The following PCDH7 variants were observed in gnomAD, a reference collection of about 807,000 sequenced individuals.
The protein encoded by PCDH7 is protocadherin-7.
A neutral mutation model predicts 58.9 loss-of-function variants in PCDH7; 17 were observed. The observed-to-expected ratio is 0.29, with a 90% confidence interval of 0.20 to 0.43. The LOEUF is 0.43. Ranked by LOEUF, PCDH7 falls within the 20% of genes least tolerant of loss-of-function variation. The probability of loss-of-function intolerance (pLI) is 1.00; values close to 1 mark genes in which losing one functional copy is unlikely to be tolerated. For synonymous variants in PCDH7, 664 were observed against 616.4 expected (o/e 1.08, Z -1.14); for missense variants, 1,274 against 1,441.0 (o/e 0.88, Z 1.88).
intron 3 of PCDH7, among the ~76,000 whole-genome samples, chr4:31,018,801 A>G (rs1753807059): frequency 6.6e-6 from 1 of 152,208 alleles, no homozygotes; most frequent in Admixed American, 6.5e-5. Flanking sequence ...GCAACTTCAT[A>G]AAAATACCAG....
At chr4:30,726,257 T>C (rs559606179) in intron 1 of PCDH7, among the ~76,000 whole-genome samples, 1 of 152,126 alleles carries the variant, frequency 6.6e-6, no homozygotes, top group East Asian at 1.9e-4. Flanking sequence ...CTCTAGAAAA[T>C]AGTAACACCT....
chr4:30,833,522 C>T (rs1054488834), intron 1 of PCDH7, among the ~76,000 whole-genome samples: 2 of 152,126 alleles, frequency 1.3e-5, no homozygotes, highest in Non-Finnish European at 2.9e-5. Context: ...ATTTTAAAAT[C>T]ATCTGGTTAG....
Position 30,792,405 on chromosome 4 carries a change from G to A in PCDH7, c.70+67809G>A, listed in dbSNP as rs556223875. 1.9e-3 allele frequency among the ~76,000 whole-genome samples: 290 copies of A among 151,844 alleles called. 1 individual carries two copies. Among genetic ancestry groups the A allele is most frequent in the African/African-American group, 6.7e-3 (276 of 41,410 alleles). The stretch of plus-strand genomic sequence containing the variant: ...CAACTGAACATCAGAAAAAAACAAA[G>A]CCAATTTCAGATTTGCATTAGATGA... On this transcript the variant is annotated intron_variant, in intron 1 of 3. Coordinates refer to the PCDH7 transcript ENST00000509759.
chr4:30,997,851 G>A (rs971706795), intron 3 of PCDH7, among the ~76,000 whole-genome samples: 1 of 152,002 alleles, frequency 6.6e-6, no homozygotes, highest in East Asian at 1.9e-4. Flanking sequence ...ATTGAGGGAT[G>A]GCAGAAGGAA....
chr4:30,884,255 T>C (rs970468919), intron 1 of PCDH7, among the ~76,000 whole-genome samples: 6 of 152,092 alleles, frequency 3.9e-5, no homozygotes, highest in Non-Finnish European at 7.4e-5. Context: ...GGCACTGATA[T>C]TTTATAAACA....
chr4:30,769,676 G>GT (rs1721167244), intron 1 of PCDH7, among the ~76,000 whole-genome samples: 1 of 152,098 alleles, frequency 6.6e-6, no homozygotes, highest in African/African-American at 2.4e-5. Context: ...TGTGAGTTTT[G>GT]TTTGCTTTAT....
intron 1 of PCDH7, among the ~76,000 whole-genome samples, chr4:30,764,636 T>C (rs1309952383): frequency 6.6e-6 from 1 of 152,320 alleles, no homozygotes; most frequent in Non-Finnish European, 1.5e-5. Flanking sequence ...ACTAGATCTT[T>C]ATTGGTATAT....
intron 1 of PCDH7, among the ~76,000 whole-genome samples, chr4:30,813,802 C>G (rs750870687): frequency 6.6e-6 from 1 of 152,112 alleles, no homozygotes; most frequent in Non-Finnish European, 1.5e-5. Flanking sequence ...CCACCACACC[C>G]GGCAAATTTT....
At chr4:31,104,199 TTAG>T (rs774367082) in intron 3 of PCDH7, among the ~76,000 whole-genome samples, 6 of 152,314 alleles carry the variant, frequency 3.9e-5, no homozygotes, top group Middle Eastern at 3.4e-3. Context: ...GTGCAAGCAC[TTAG>T]TTCTGTTTAT....
At chr4:31,089,258 TAC>T (rs1240595410) in intron 3 of PCDH7, among the ~76,000 whole-genome samples, 1 of 152,058 alleles carries the variant, frequency 6.6e-6, no homozygotes, top group African/African-American at 2.4e-5. Flanking sequence ...ATAAAAATGT[TAC>T]AGTTTACAAT....
chr4:31,066,461 T>C (rs936275766), intron 3 of PCDH7, among the ~76,000 whole-genome samples: 1 of 152,002 alleles, frequency 6.6e-6, no homozygotes, highest in Non-Finnish European at 1.5e-5. Flanking sequence ...AATTTTTCTC[T>C]TCACACTTAA....
intron 3 of PCDH7, among the ~76,000 whole-genome samples, chr4:31,003,566 C>G (rs550795003): frequency 6.6e-4 from 101 of 152,176 alleles, no homozygotes; most frequent in African/African-American, 2.3e-3. Flanking sequence ...CAAATCGGAA[C>G]TGCTCCAAAG....
chr4:30,806,410 T>C lies in PCDH7; in HGVS notation c.70+81814T>C, dbSNP rs140950956. 6.3e-3 allele frequency among the ~76,000 whole-genome samples: 962 copies of C among 152,190 alleles called. 12 individuals carry two copies. The highest frequency in any genetic ancestry group is 0.022 in the African/African-American group (895 of 41,526). On this transcript the variant is annotated intron_variant, in intron 1 of 3. Transcript: ENST00000509759. Reference sequence around the variant, plus strand: ...ACCTCTGCCTCCTGGGTTCAAGCAGTTCTCCTGTCTCAGCCTCCCGAGCAG... The same window carrying C: ...ACCTCTGCCTCCTGGGTTCAAGCAGCTCTCCTGTCTCAGCCTCCCGAGCAG...
chr4:31,042,588 G>A (rs889459076), intron 3 of PCDH7, among the ~76,000 whole-genome samples: 2 of 151,994 alleles, frequency 1.3e-5, no homozygotes, highest in African/African-American at 4.8e-5. Flanking sequence ...GGGGTCCTGT[G>A]GGAAGCATTG....
chr4:30,750,091 A>G (rs1718310692), intron 1 of PCDH7, among the ~76,000 whole-genome samples: 2 of 152,218 alleles, frequency 1.3e-5, no homozygotes, highest in Admixed American at 6.5e-5. Context: ...TCCTTGCAAC[A>G]TATACTTATT....
At chr4:30,798,272 C>A (rs890320256) in intron 1 of PCDH7, among the ~76,000 whole-genome samples, 7 of 152,100 alleles carry the variant, frequency 4.6e-5, no homozygotes, top group Non-Finnish European at 1.0e-4. Context: ...TTTGTTAGAA[C>A]AATAACTTTC....
chr4:31,045,593 A>G (rs556999369), intron 3 of PCDH7, among the ~76,000 whole-genome samples: 146 of 152,038 alleles, frequency 9.6e-4, no homozygotes, highest in Non-Finnish European at 1.8e-3. Flanking sequence ...CTGATTTGCT[A>G]CAGTTTGGGA....
intron 3 of PCDH7, among the ~76,000 whole-genome samples, chr4:31,042,421 A>C (rs1310736122): frequency 1.3e-5 from 2 of 152,012 alleles, no homozygotes; most frequent in Non-Finnish European, 2.9e-5. Context: ...AGAATATTTG[A>C]TTTTTTTGAT....
chr4:30,734,936 GC>G (rs1716037168), downstream of PCDH7, among the ~76,000 whole-genome samples: 1 of 152,066 alleles, frequency 6.6e-6, no homozygotes, highest in Non-Finnish European at 1.5e-5. Flanking sequence ...TGCTGTGTTG[GC>G]CGGAGTCCCT....
Sources: gnomAD v4.1 joint callset for allele counts (sites outside exome capture counted in the v4.1 genomes callset) on GRCh38, gnomAD v4.1.1 for gene constraint, MANE v1.5 for transcripts, NCBI Gene and HGNC (gene_info 2026-07-23, HGNC 2026-07-21) for gene names.